Variants in SMC6 observed in about 807,000 individuals in gnomAD.
SMC6 encodes the protein structural maintenance of chromosomes 6.
Under a neutral mutation model 142.2 loss-of-function variants are expected in SMC6, and 79 were observed. The ratio of observed to expected loss-of-function variants is 0.56; its 90% CI spans 0.46 to 0.67. The LOEUF (loss-of-function observed/expected upper bound fraction) is 0.67, where lower values mean the gene tolerates loss of function less well. SMC6 is among the 30% of genes least tolerant of loss of function. The pLI is 0.00. For synonymous variants in SMC6, 411 were observed against 412.4 expected, an observed-to-expected ratio of 1.00 and a Z score of 0.04; for missense variants, 1,072 against 1,284.0, an observed-to-expected ratio of 0.83 and a Z score of 2.52.
intron 24 of SMC6, chr2:17,680,934 T>C (rs1450416679): frequency 2.6e-5 from 4 of 152,226 alleles, no homozygotes; most frequent in Admixed American, 2.0e-4. Flanking sequence ...AGCCAGGAAT[T>C]GACTTCTCCT....
chr2:17,712,368 T>C (rs1374312782), intron 16 of SMC6, among the ~76,000 whole-genome samples: 1 of 152,136 alleles, frequency 6.6e-6, no homozygotes, highest in East Asian at 1.9e-4. Flanking sequence ...TTTTTTTAAA[T>C]GGTTAATAGA....
Position 17,731,766 on chromosome 2 carries a change from T to C in SMC6, c.456A>G (p.Arg152=). The C allele has an allele frequency of 6.2e-7, 1 of 1,613,002 alleles. No homozygotes were observed. Among genetic ancestry groups the C allele is most frequent in the Non-Finnish European group, 8.5e-7 (1 of 1,179,592 alleles). Residue 152 remains arginine, a synonymous_variant, in exon 6 of 28, where the codon CGA becomes CGG. Transcript: ENST00000448223. ...IQQHISIDGS[R]SYKLKSATGS... is the part of the protein sequence containing the mutation. ...CTGTTGCACTTTTAAGTTTATAAGA[T>C]CGACTTCCATCTATGCTGATGTGTT...
chr2:17,671,522 T>C (rs1271977776), intron 25 of SMC6, among the ~76,000 whole-genome samples: 2 of 147,896 alleles, frequency 1.4e-5, no homozygotes, highest in Non-Finnish European at 3.0e-5. Flanking sequence ...GGTGGGAGGA[T>C]TGCTTGAGCC....
intron 17 of SMC6, 42 bp downstream of exon 17, chr2:17,708,597 T>C (rs765448698): frequency 9.2e-7 from 1 of 1,090,042 alleles, no homozygotes; most frequent in Non-Finnish European, 1.3e-6. Flanking sequence ...TTTTAAAAAT[T>C]TAACAATAAC....
At chr2:17,677,261 G>C (rs1667033276) in intron 25 of SMC6, among the ~76,000 whole-genome samples, 1 of 151,914 alleles carries the variant, frequency 6.6e-6, no homozygotes, top group Non-Finnish European at 1.5e-5. Flanking sequence ...GGTATGATAG[G>C]GCTCACAGTC....
intron 2 of SMC6, among the ~76,000 whole-genome samples, chr2:17,749,388 G>A (rs1335738630): frequency 1.3e-5 from 2 of 152,222 alleles, no homozygotes; most frequent in East Asian, 3.9e-4. Flanking sequence ...AAAATAATAA[G>A]TTCAAGAAGA....
In SMC6 at chr2:17,664,345, C is replaced by T. The variant is rs765951540; in HGVS notation, c.*1154G>A. On this transcript the variant is annotated 3_prime_UTR_variant, in exon 28 of 28. Coordinates refer to ENST00000448223, the MANE Select transcript of SMC6 (RefSeq NM_001142286.2). Reference sequence around the variant, plus strand: ...CTAAAGTATCTTAAACTTCTTCCTCCACCAAAAACACAAACAAAGTCCAGT... The same window carrying T: ...CTAAAGTATCTTAAACTTCTTCCTCTACCAAAAACACAAACAAAGTCCAGT... 1 of 152,148 alleles carries T rather than the reference C, an allele frequency of 6.6e-6. No homozygotes were observed. Among genetic ancestry groups the T allele is most frequent in the Non-Finnish European group, 1.5e-5 (1 of 68,028 alleles). 9.4% of individuals were successfully genotyped at this position (152,148 alleles called of 1,614,324 possible). A position where few individuals can be genotyped will look rare whatever the true frequency, so the allele number is the denominator to read the frequency against.
intron 4 of SMC6, among the ~76,000 whole-genome samples, chr2:17,739,863 C>T (rs1378874659): frequency 2.2e-5 from 3 of 139,066 alleles, no homozygotes; most frequent in Non-Finnish European, 4.6e-5. Context: ...CACACACACA[C>T]ACAGAGAATA....
At chr2:17,682,455 T>C (rs1296790249) in intron 24 of SMC6, among the ~76,000 whole-genome samples, 8 of 152,222 alleles carry the variant, frequency 5.3e-5, no homozygotes, top group African/African-American at 1.9e-4. Context: ...GCTGGGAATC[T>C]GGGGAGGCAA....
intron 5 of SMC6, among the ~76,000 whole-genome samples, chr2:17,734,015 G>A (rs1292215192): frequency 1.3e-5 from 2 of 152,194 alleles, no homozygotes; most frequent in African/African-American, 4.8e-5. Flanking sequence ...CACAAGGAGA[G>A]ACAGGAGAGC....
At chr2:17,671,983 G>A (rs1339643408) in intron 25 of SMC6, among the ~76,000 whole-genome samples, 1 of 151,894 alleles carries the variant, frequency 6.6e-6, no homozygotes, top group Non-Finnish European at 1.5e-5. Flanking sequence ...GCTCTCAAGT[G>A]AGCATTCATT....
At chr2:17,753,144 T>A (rs764438696) in intron 1 of SMC6, 80 bp from the exon 2 acceptor site, 5 of 448,458 alleles carry the variant, frequency 1.1e-5, no homozygotes, top group Non-Finnish European at 1.5e-5. Context: ...ACAATTTGCA[T>A]TTTCGTAAAA....
At chr2:17,710,432 A>C (rs543560873) in intron 16 of SMC6, among the ~76,000 whole-genome samples, 14 of 152,308 alleles carry the variant, frequency 9.2e-5, no homozygotes, top group Admixed American at 7.8e-4. Context: ...GTTCAGAAGA[A>C]AAAGGCAACC....
At chr2:17,714,658 A>G (rs554613335) in intron 16 of SMC6, among the ~76,000 whole-genome samples, 1 of 152,272 alleles carries the variant, frequency 6.6e-6, no homozygotes, top group East Asian at 1.9e-4. Flanking sequence ...TGTCTCCCAC[A>G]TATAAGAACT....
Position 17,671,644 on chromosome 2 carries a change from A to G in SMC6, c.2911-1069T>C, listed in dbSNP as rs200678208. 1.5e-4 allele frequency among the ~76,000 whole-genome samples: 23 copies of G among 149,308 alleles called. No homozygotes were observed. The East Asian group carries it at 4.1e-3, about 27-fold the overall frequency. On this transcript the variant is annotated intron_variant, in intron 25 of 27. Transcript: ENST00000448223. ...AAAAAAAAAAAAAAATTTCTTTTGT[A>G]TTGTATTTATTTTGAATTCTAAATA...
chr2:17,668,481 G>T (rs1666606856), intron 26 of SMC6, among the ~76,000 whole-genome samples: 1 of 151,964 alleles, frequency 6.6e-6, no homozygotes. Flanking sequence ...TTACAATCTG[G>T]TAGGGGATTC....
intron 7 of SMC6, among the ~76,000 whole-genome samples, chr2:17,730,339 C>A (rs1237289621): frequency 1.3e-5 from 2 of 149,762 alleles, no homozygotes; most frequent in Non-Finnish European, 3.0e-5. Flanking sequence ...AATGCTTTAT[C>A]TTTCTAGAAT....
Position 17,741,679 on chromosome 2 carries a change from C to A in SMC6, c.171G>T (p.Met57Ile). Residue 57 changes from methionine to isoleucine, a missense_variant, in exon 4 of 28, where the codon ATG (methionine) becomes ATT (isoleucine). This residue lies in a region of SMC6 where 994 missense variants were observed against 1,153.2 expected (regional missense o/e 0.86). Coordinates refer to ENST00000448223, the MANE Select transcript of SMC6 (RefSeq NM_001142286.2). ...TAAAAGGTCCAAGCATTGAATGACACATGAAGTTTTTTAGGTGAATACTCT... is the reference window on the plus strand; with the variant it reads ...TAAAAGGTCCAAGCATTGAATGACAAATGAAGTTTTTTAGGTGAATACTCT... ...IIESIHLKNF[M>I]CHSMLGPFKF... is the part of the protein sequence containing the mutation. The A allele has an allele frequency of 6.2e-7, 1 of 1,611,818 alleles. No individual in the cohort carries two copies. The highest frequency in any genetic ancestry group is 8.5e-7 in the Non-Finnish European group (1 of 1,179,214).
chr2:17,665,722 C>T, intron 27 of SMC6, 109 bp from the exon 28 acceptor site: 1 of 539,676 alleles, frequency 1.9e-6, no homozygotes, highest in Non-Finnish European at 3.2e-6. Flanking sequence ...TGGCTTTTAT[C>T]TGGGATATAT....
Sources: gnomAD v4.1 joint callset for allele counts (sites outside exome capture counted in the v4.1 genomes callset) on GRCh38, gnomAD v4.1.1 for gene constraint, gnomAD v4.1.1 regional missense constraint, MANE v1.5 for transcripts, NCBI Gene and HGNC (gene_info 2026-07-23, HGNC 2026-07-21) for gene names.